TNXB: variants seen among roughly 807,000 people sequenced by gnomAD.
The protein encoded by TNXB is tenascin XB.
In TNXB, 183 loss-of-function variants were observed where a neutral mutation model predicts 340.5. The observed-to-expected ratio is 0.54, with a 90% CI of 0.48 to 0.61. The LOEUF (loss-of-function observed/expected upper bound fraction) is 0.61. Ranked by LOEUF, TNXB falls within the 20% of genes least tolerant of loss-of-function variation. The pLI, the probability that TNXB is intolerant of heterozygous loss-of-function variation, is 0.00. For synonymous variants in TNXB, 2,121 were observed against 2,314.5 expected, an observed-to-expected ratio of 0.92 and a Z score of 2.40; for missense variants, 4,613 against 5,446.4, an observed-to-expected ratio of 0.85 and a Z score of 4.82.
At position 32,052,702 on chromosome 6, in the gene TNXB, C is replaced by T. The variant is rs189416175; in HGVS notation, c.9083G>A (p.Arg3028His). ...ACCCACAGCGGACACTGGGCCCACG[C>T]GCTGCCCCTCGTGGAGGCCGTACAG... ...MHLYGLHEGQ[R>H]VGPVSAVGVT... Residue 3028 changes from arginine (R) to histidine (H), a missense_variant, in exon 26 of 44, where the codon CGC becomes CAC. By Grantham distance (29) the Arg-to-His change is conservative (BLOSUM62 0). Coordinates refer to ENST00000644971, the MANE Select transcript of TNXB (RefSeq NM_001365276.2). This position sits in a 1 kb window ranked among gnomAD's most constrained non-coding sequence, Gnocchi z 4.7. 9.2e-5 allele frequency: 149 copies of T among 1,613,654 alleles called. 1 individual carries two copies. The highest frequency in any genetic ancestry group is 2.5e-4 in the Admixed American group (15 of 60,026).
At position 32,046,562 on chromosome 6, in the gene TNXB, GC is replaced by G; in HGVS notation, c.10325-107del. On this transcript the variant is annotated intron_variant, in intron 30 of 43. Coordinates refer to ENST00000644971, the MANE Select transcript of TNXB (RefSeq NM_001365276.2). The surrounding 1 kb of genome is among the most constrained non-coding windows in gnomAD (Gnocchi z 6.9). ...TCTGGGAAATGGTCCCTCCAGTGTAGCCCCAGGGACAGCTCCTTGAGGAGAC... is the reference window on the plus strand; with the variant it reads ...TCTGGGAAATGGTCCCTCCAGTGTAGCCCAGGGACAGCTCCTTGAGGAGAC... 2 of 1,041,954 alleles carry G rather than the reference GC, an allele frequency of 1.9e-6. No homozygotes were observed. Among genetic ancestry groups the G allele is most frequent in the Non-Finnish European group, 2.7e-6 (2 of 749,432 alleles). The allele number at this position is 1,041,954 out of a possible 1,614,324, so 64.5% of individuals were successfully genotyped here. A position where few individuals can be genotyped will look rare whatever the true frequency, so the allele number is the denominator to read the frequency against.
rs1307248598 is a variant in TNXB at position 32,081,632 on chromosome 6, C to T, written c.3778G>A (p.Glu1260Lys). The T allele has an allele frequency of 1.9e-6, 3 of 1,598,088 alleles. No individual in the cohort carries two copies. The highest frequency in any genetic ancestry group is 2.6e-6 in the Non-Finnish European group (3 of 1,172,920). ...KEEPPRPEFLEQPLLGELTVT... is the reference protein window; with the variant it reads ...KEEPPRPEFLKQPLLGELTVT... Reference sequence around the variant, plus strand: ...GTCAGTTCCCCCAGGAGGGGCTGCTCCAGGAACTCAGGGCGGGGGGGCTCC... The same window carrying T: ...GTCAGTTCCCCCAGGAGGGGCTGCTTCAGGAACTCAGGGCGGGGGGGCTCC... Residue 1260 changes from glutamate to lysine, a missense_variant, in exon 10 of 44, where the codon GAG becomes AAG. Physicochemically the swap from Glu to Lys is moderately conservative, Grantham distance 56 (BLOSUM62 1). This residue lies in a region of TNXB where 4,327 missense variants were observed against 4,859.4 expected (regional missense o/e 0.89). Transcript: ENST00000644971. The surrounding 1 kb of genome is among the most constrained non-coding windows in gnomAD (Gnocchi z 5.1).
chr6:32,097,247 G>GC lies in TNXB; in HGVS notation c.605dup (p.Cys202TrpfsTer59). 1 of 1,609,138 alleles carries GC rather than the reference G, an allele frequency of 6.2e-7. No individual in the cohort carries two copies. The highest frequency in any genetic ancestry group is 8.5e-7 in the Non-Finnish European group (1 of 1,177,870). On this transcript the variant is annotated frameshift_variant, in exon 3 of 44. Transcript: ENST00000644971. LOFTEE classifies it high-confidence loss of function. This position sits in a 1 kb window ranked among gnomAD's most constrained non-coding sequence, Gnocchi z 5.9. ...GGCCAGTGTAGCCGGGAAAGCACAC[G>GC]CAACGACCACGGACACAGCGACCCT...
At position 32,082,168 on chromosome 6, in the gene TNXB, C is replaced by T. The variant is rs777320430; in HGVS notation, c.3604G>A (p.Val1202Met). 9 of 1,612,618 alleles carry T rather than the reference C, an allele frequency of 5.6e-6. No homozygotes were observed. The highest frequency in any genetic ancestry group is 7.6e-6 in the Non-Finnish European group (9 of 1,179,672). Residue 1202 changes from valine (V) to methionine (M), a missense_variant, in exon 9 of 44, where the codon GTG becomes ATG. By Grantham distance (21) the Val-to-Met change is conservative. Coordinates refer to ENST00000644971, the MANE Select transcript of TNXB (RefSeq NM_001365276.2). The surrounding 1 kb of genome is among the most constrained non-coding windows in gnomAD (Gnocchi z 5.0). ...QYRDRDGRPQ[V>M]VPVEGPERSF... ...CGCTCGGGCCCTTCCACAGGTACCACCTGGGGCCGTCCATCCCTGTCCCTG... is the reference window on the plus strand; with the variant it reads ...CGCTCGGGCCCTTCCACAGGTACCATCTGGGGCCGTCCATCCCTGTCCCTG...
chr6:32,062,362 C>A lies in TNXB; in HGVS notation c.6963G>T (p.Leu2321=). ...VTDATPDSLS[L]SWTVPEGQFD... is the part of the protein sequence containing the mutation. ...ACTGTCCCTCGGGAACCGTCCAGGA[C>A]AGGCTGAGGGAGTCAGGGGTCGCAT... Residue 2321 remains leucine (L), a synonymous_variant, in exon 20 of 44, where the codon CTG becomes CTT. Transcript: ENST00000644971. The surrounding 1 kb of genome is among the most constrained non-coding windows in gnomAD (Gnocchi z 4.3). 6.2e-7 allele frequency: 1 copy of A among 1,613,496 alleles called. No homozygotes were observed. Among genetic ancestry groups the A allele is most frequent in the Non-Finnish European group, 8.5e-7 (1 of 1,179,886 alleles).
rs1285583494 is a variant in TNXB at position 32,073,084 on chromosome 6, C to T, written c.4681+563G>A. Among the ~76,000 whole-genome samples the T allele has an allele frequency of 2.0e-5, 3 of 152,098 alleles. No individual in the cohort carries two copies. Among genetic ancestry groups the T allele is most frequent in the South Asian group, 4.2e-4 (2 of 4,818 alleles). On this transcript the variant is annotated intron_variant, in intron 12 of 43. Coordinates refer to ENST00000644971, the MANE Select transcript of TNXB (RefSeq NM_001365276.2). The surrounding 1 kb of genome is among the most constrained non-coding windows in gnomAD (Gnocchi z 4.6). The stretch of plus-strand genomic sequence containing the variant: ...AGGGGTTTCACCAGATGCCACAGCA[C>T]AACAATCATGGAGAACCTGTGCCCA...
In TNXB at chr6:32,064,842, C is replaced by A. The variant is rs777941950; in HGVS notation, c.6820G>T (p.Val2274Leu). 1 of 1,610,636 alleles carries A rather than the reference C, an allele frequency of 6.2e-7. No homozygotes were observed. Among genetic ancestry groups the A allele is most frequent in the South Asian group, 1.1e-5 (1 of 90,832 alleles). The change falls in exon 19 of 44, where the codon GTG becomes TTG. Residue 2274 changes from valine (V) to leucine (L), a missense_variant. Around this residue, in one of 7 missense-constraint regions of TNXB, gnomAD observed 4,327 missense variants for 4,859.4 expected, o/e 0.89. Coordinates refer to ENST00000644971, the MANE Select transcript of TNXB (RefSeq NM_001365276.2). This position sits in a 1 kb window ranked among gnomAD's most constrained non-coding sequence, Gnocchi z 5.3. ...TCACCAGTTAAACCAACAGCAGACA[C>A]GGGGCCCACGCGCTGGCCACCGTGG... ...GFHGGQRVGP[V>L]SAVGLTAPGK...
rs1327248480 is a variant in TNXB, at chr6:32,046,849, G to A, written c.10325-393C>T. ...TCCCCGGAGGTCTCTGGGTTGTCAC[G>A]GAGACACCCCAAACATCGAGAGCTG... On this transcript the variant is annotated intron_variant, in intron 30 of 43. Transcript: ENST00000644971. The surrounding 1 kb of genome is among the most constrained non-coding windows in gnomAD (Gnocchi z 6.9). Among the ~76,000 whole-genome samples the A allele has an allele frequency of 1.3e-5, 2 of 152,324 alleles. No homozygotes were observed. Among genetic ancestry groups the A allele is most frequent in the Non-Finnish European group, 1.5e-5 (1 of 68,034 alleles).
Position 32,052,661 on chromosome 6 carries a change from C to G in TNXB, c.9115+9G>C. ...TCTTCCCCACCTCGCCTCACTCACA[C>G]TTACTCACCTGTCACACCCACAGCG... On this transcript the variant is annotated intron_variant, in intron 26 of 43. Transcript: ENST00000644971. This position sits in a 1 kb window ranked among gnomAD's most constrained non-coding sequence, Gnocchi z 4.7. 6.2e-7 allele frequency: 1 copy of G among 1,611,602 alleles called. No homozygotes were observed. The highest frequency in any genetic ancestry group is 1.1e-5 in the South Asian group (1 of 91,046).
In TNXB at chr6:32,096,633, T is replaced by G. The variant is rs1780399675; in HGVS notation, c.1220A>C (p.Asp407Ala). 1 of 1,540,358 alleles carries G rather than the reference T, an allele frequency of 6.5e-7. No individual in the cohort carries two copies. The highest frequency in any genetic ancestry group is 1.4e-5 in the African/African-American group (1 of 70,118). Residue 407 changes from aspartate (D) to alanine (A), a missense_variant, in exon 3 of 44, where the codon GAC (aspartate) becomes GCC (alanine). Asp to Ala is a moderately radical substitution (Grantham distance 126). Transcript: ENST00000644971. The part of the protein sequence containing the change: ...DDCGVRSCPG[D>A]CNQRGRCEDG... Reference sequence around the variant, plus strand: ...CTCGCAGCGGCCCCTTTGGTTGCAGTCGCCAGGGCAGCTGCGCACGCCGCA... The same window carrying G: ...CTCGCAGCGGCCCCTTTGGTTGCAGGCGCCAGGGCAGCTGCGCACGCCGCA...
intron 21 of TNXB, among the ~76,000 whole-genome samples, chr6:32,059,978 C>T (rs999720511): frequency 1.3e-5 from 2 of 152,016 alleles, no homozygotes; most frequent in African/African-American, 2.4e-5. Flanking sequence ...CAATTAACCT[C>T]ATGATCTCCA....
intron 1 of TNXB, among the ~76,000 whole-genome samples, chr6:32,107,305 G>C (rs1292131265): frequency 6.6e-6 from 1 of 152,182 alleles, no homozygotes; most frequent in Non-Finnish European, 1.5e-5. Flanking sequence ...GGAGTGAAGA[G>C]AGCTCACCAG....
chr6:32,106,470 G>A (rs1463897323), intron 1 of TNXB, among the ~76,000 whole-genome samples: 1 of 152,014 alleles, frequency 6.6e-6, no homozygotes, highest in Non-Finnish European at 1.5e-5. Flanking sequence ...ATGTGTCACT[G>A]GTAGGCGGAG....
At chr6:32,071,502 C>T (rs1391826102) in intron 13 of TNXB, among the ~76,000 whole-genome samples, 1 of 151,898 alleles carries the variant, frequency 6.6e-6, no homozygotes, top group African/African-American at 2.4e-5. Context: ...AGAAGAGAGG[C>T]AGAGTCAGCA....
rs1326930741 is a variant in TNXB at position 32,073,109 on chromosome 6, A to AG, written c.4681+537dup. 1.3e-5 allele frequency among the ~76,000 whole-genome samples: 2 copies of AG among 152,330 alleles called. No homozygotes were observed. Among genetic ancestry groups the AG allele is most frequent in the East Asian group, 3.9e-4 (2 of 5,192 alleles). On this transcript the variant is annotated intron_variant, in intron 12 of 43. Coordinates refer to ENST00000644971, the MANE Select transcript of TNXB (RefSeq NM_001365276.2). The surrounding 1 kb of genome is among the most constrained non-coding windows in gnomAD (Gnocchi z 4.6). ...CAACAATCATGGAGAACCTGTGCCC[A>AG]GGAAGCCATGAGGGGCAGGAAGGAG... is the stretch of plus-strand genomic sequence containing the variant.
chr6:32,089,228 G>A lies in TNXB; in HGVS notation c.2510C>T (p.Thr837Ile). 6.3e-7 allele frequency: 1 copy of A among 1,599,648 alleles called. No individual in the cohort carries two copies. The highest frequency in any genetic ancestry group is 8.5e-7 in the Non-Finnish European group (1 of 1,172,802). ...CCCACAGCCCCAGCTCTCACTGGTG[G>A]TGATGGTCTTGGAGGCAGGAAGGCC... is the stretch of plus-strand genomic sequence containing the variant. ...SWGLPASKTI[T>I]TMIDGPQDLR... Residue 837 changes from threonine (T) to isoleucine (I), a missense_variant, in exon 5 of 44, where the codon ACC (threonine) becomes ATC (isoleucine). Physicochemically the swap from Thr to Ile is moderately conservative, Grantham distance 89 (BLOSUM62 -1). Coordinates refer to ENST00000644971, the MANE Select transcript of TNXB (RefSeq NM_001365276.2). This position sits in a 1 kb window ranked among gnomAD's most constrained non-coding sequence, Gnocchi z 6.2.
In TNXB at chr6:32,065,009, T is replaced by C. The variant is rs756258221; in HGVS notation, c.6653A>G (p.Glu2218Gly). ...DSLSLSWTVPEGQFDHFLVQF... is the reference protein window; with the variant it reads ...DSLSLSWTVPGGQFDHFLVQF... ...GACCAAGAAATGGTCAAACTGGCCC[T>C]CGGGGACTGTCCAGGAGAGGCTGAG... is the stretch of plus-strand genomic sequence containing the variant. Residue 2218 changes from glutamate to glycine, a missense_variant, in exon 19 of 44, where the codon GAG (glutamate) becomes GGG (glycine). Physicochemically the swap from Glu to Gly is moderately conservative, Grantham distance 98. Around this residue, in one of 7 missense-constraint regions of TNXB, gnomAD observed 4,327 missense variants for 4,859.4 expected, o/e 0.89. Coordinates refer to ENST00000644971, the MANE Select transcript of TNXB (RefSeq NM_001365276.2). 3.1e-6 allele frequency: 5 copies of C among 1,611,646 alleles called. No homozygotes were observed. In the Admixed American group the frequency reaches 8.4e-5, roughly 27 times the overall value.
At chr6:32,054,828 G>A (rs891791465) in intron 24 of TNXB, among the ~76,000 whole-genome samples, 7 of 152,194 alleles carry the variant, frequency 4.6e-5, no homozygotes, top group Admixed American at 1.3e-4. Context: ...GCCAGGCCAC[G>A]GCTGCTTGGG....
chr6:32,084,664 AGGCGTGGTG>A lies in TNXB; in HGVS notation c.3185_3193del (p.Pro1062_Arg1064del). ...CCTGTCTGTCACCGTCAGCTCACCC[AGGCGTGGTG>A]GGCCTGAGGACTTCCCAGGCTTCTC... On this transcript the variant is annotated inframe_deletion, in exon 8 of 44. Transcript: ENST00000644971. This position sits in a 1 kb window ranked among gnomAD's most constrained non-coding sequence, Gnocchi z 5.5. The A allele has an allele frequency of 6.3e-7, 1 of 1,594,016 alleles. No homozygotes were observed. Among genetic ancestry groups the A allele is most frequent in the Non-Finnish European group, 8.6e-7 (1 of 1,168,526 alleles).
Sources: allele counts gnomAD v4.1 joint callset (sites outside exome capture counted in the v4.1 genomes callset), GRCh38; gene constraint gnomAD v4.1.1; regional missense constraint gnomAD v4.1.1; non-coding constraint Gnocchi (gnomAD v3.1); transcripts MANE v1.5; gene names NCBI Gene and HGNC (gene_info 2026-07-23, HGNC 2026-07-21).